Variants in RPL41 observed in about 807,000 individuals in gnomAD.
The protein encoded by RPL41 is small ribosomal subunit protein eS32.
RPL41 carries 3 observed loss-of-function variants against 7.3 expected under a neutral mutation model. That is an observed-to-expected ratio of 0.41 (90% CI 0.19 to 1.06). The LOEUF (loss-of-function observed/expected upper bound fraction) is 1.06, where lower values mean the gene tolerates loss of function less well. Among genes scored for constraint, RPL41 ranks in the 50% least tolerant of loss-of-function variants. RPL41 has a pLI of 0.32. For missense variants in RPL41, 13 were observed against 30.4 expected (o/e 0.43, Z 1.35); for synonymous variants, 9 against 7.4 (o/e 1.21, Z -0.34).
chr12:56,116,894 G>A, intron 1 of RPL41, 95 bp downstream of exon 1: 1 of 1,497,546 alleles, frequency 6.7e-7, no homozygotes. Flanking sequence ...GAACTACTGG[G>A]TTTCAAGGGT....
At position 56,117,225 on chromosome 12, in the gene RPL41, T is replaced by C. The variant is rs1869640957; in HGVS notation, c.35+14T>C. ...GCGAATGCGCAGGTACGTTGAGACTTTGCCAGCCCAGGAGGAGGGAAGTTC... is the reference window on the plus strand; with the variant it reads ...GCGAATGCGCAGGTACGTTGAGACTCTGCCAGCCCAGGAGGAGGGAAGTTC... On this transcript the variant is annotated intron_variant, in intron 2 of 2. Transcript: ENST00000546591. The C allele has an allele frequency of 6.2e-7, 1 of 1,601,114 alleles. No homozygotes were observed. The highest frequency in any genetic ancestry group is 8.5e-7 in the Non-Finnish European group (1 of 1,176,460).
At chr12:56,117,339 A>G in intron 2 of RPL41, 128 bp downstream of exon 2, 1 of 1,402,632 alleles carries the variant, frequency 7.1e-7, no homozygotes, top group Non-Finnish European at 9.8e-7. Flanking sequence ...CCCTGGAGCC[A>G]GGATTTAACA....
chr12:56,116,707 G>C lies in RPL41; in HGVS notation c.-81G>C. The stretch of plus-strand genomic sequence containing the variant: ...GTTGGGATTCCGTGTACAATCCATA[G>C]ACATCTGACCTCGGCACTTAGCATC... On this transcript the variant is annotated 5_prime_UTR_variant, in exon 1 of 3. Coordinates refer to ENST00000546591, the MANE Select transcript of RPL41 (RefSeq NM_001035267.2). The C allele has an allele frequency of 6.6e-7, 1 of 1,521,890 alleles. No individual in the cohort carries two copies. 94.3% of individuals were successfully genotyped at this position (1,521,890 alleles called of 1,614,324 possible). A position where few individuals can be genotyped will look rare whatever the true frequency, so the allele number is the denominator to read the frequency against.
intron 1 of RPL41, 81 bp downstream of exon 1, chr12:56,116,880 T>G: frequency 6.5e-7 from 1 of 1,542,794 alleles, no homozygotes; most frequent in East Asian, 2.2e-5. Flanking sequence ...CCGCCATACC[T>G]CCTGAACTAC....
At chr12:56,117,138 CTTTTTTT>C (rs535158816) in intron 1 of RPL41, 44 bp from the exon 2 acceptor site, 6 of 1,425,110 alleles carry the variant, frequency 4.2e-6, no homozygotes, top group Admixed American at 5.3e-5. Context: ...AGCTTCATCC[CTTTTTTT>C]TTTTTTTTTT....
At chr12:56,116,963 A>G in intron 1 of RPL41, 164 bp downstream of exon 1, 21 of 1,122,520 alleles carry the variant, frequency 1.9e-5, no homozygotes, top group Non-Finnish European at 2.7e-5. Flanking sequence ...GTTAAGTGCT[A>G]TGGGTAGAGA....
At position 56,116,767 on chromosome 12, in the gene RPL41, C is replaced by T; in HGVS notation, c.-21C>T. On this transcript the variant is annotated 5_prime_UTR_variant, in exon 1 of 3. Coordinates refer to ENST00000546591, the MANE Select transcript of RPL41 (RefSeq NM_001035267.2). ...AACTAACTGTAGCCTTTCTCTCTTT[C>T]CCTGTAGAAACCTCTGCGCCATGAG... 6.2e-7 allele frequency: 1 copy of T among 1,613,970 alleles called. No homozygotes were observed. Among genetic ancestry groups the T allele is most frequent in the Non-Finnish European group, 8.5e-7 (1 of 1,179,826 alleles).
chr12:56,116,700 ATC>A lies in RPL41; in HGVS notation c.-87_-86del. 1 of 1,498,052 alleles carries A rather than the reference ATC, an allele frequency of 6.7e-7. No homozygotes were observed. Among genetic ancestry groups the A allele is most frequent in the South Asian group, 1.1e-5 (1 of 88,816 alleles). The allele number at this position is 1,498,052 out of a possible 1,614,324, so 92.8% of individuals were successfully genotyped here. ...TTCCTGCGTTGGGATTCCGTGTACA[ATC>A]CATAGACATCTGACCTCGGCACTTA... is the stretch of plus-strand genomic sequence containing the variant. On this transcript the variant is annotated 5_prime_UTR_variant, in exon 1 of 3. Transcript: ENST00000546591.
At chr12:56,117,415 GATTTA>G in intron 2 of RPL41, 62 bp from the exon 3 acceptor site, 1 of 1,507,154 alleles carries the variant, frequency 6.6e-7, no homozygotes, top group Non-Finnish European at 9.0e-7. Context: ...GTGGACGTTT[GATTTA>G]ATGTGGGAGG....
At chr12:56,117,003 A>T in intron 1 of RPL41, 186 bp from the exon 2 acceptor site, 1 of 1,078,704 alleles carries the variant, frequency 9.3e-7, no homozygotes, top group Non-Finnish European at 1.3e-6. Context: ...TGGAATTCTG[A>T]TCTTATGTTG....
Position 56,116,697 on chromosome 12 carries a change from A to G in RPL41, c.-91A>G, listed in dbSNP as rs1013568428. The stretch of plus-strand genomic sequence containing the variant: ...TGGTTCCTGCGTTGGGATTCCGTGT[A>G]CAATCCATAGACATCTGACCTCGGC... On this transcript the variant is annotated 5_prime_UTR_variant, in exon 1 of 3. Coordinates refer to ENST00000546591, the MANE Select transcript of RPL41 (RefSeq NM_001035267.2). 3 of 1,471,930 alleles carry G rather than the reference A, an allele frequency of 2.0e-6. No homozygotes were observed. Among genetic ancestry groups the G allele is most frequent in the Admixed American group, 3.4e-5 (2 of 59,632 alleles). The allele number at this position is 1,471,930 out of a possible 1,614,324, so 91.2% of individuals were successfully genotyped here. A position where few individuals can be genotyped will look rare whatever the true frequency, so the allele number is the denominator to read the frequency against.
chr12:56,117,062 C>A, intron 1 of RPL41, 127 bp from the exon 2 acceptor site: 1 of 1,349,458 alleles, frequency 7.4e-7, no homozygotes, highest in Non-Finnish European at 1.0e-6. Flanking sequence ...ATCTTTCATA[C>A]TTCTTGGTTA....
chr12:56,116,898 C>T, intron 1 of RPL41, 99 bp downstream of exon 1: 2 of 1,459,444 alleles, frequency 1.4e-6, no homozygotes, highest in Non-Finnish European at 1.9e-6. Context: ...TACTGGGTTT[C>T]AAGGGTGCCC....
chr12:56,116,967 G>A, intron 1 of RPL41, 168 bp downstream of exon 1: 5 of 1,110,434 alleles, frequency 4.5e-6, no homozygotes, highest in Admixed American at 1.9e-5. Context: ...AGTGCTATGG[G>A]TAGAGAGGGT....
chr12:56,116,778 C>A lies in RPL41; in HGVS notation c.-10C>A. 3.1e-6 allele frequency: 5 copies of A among 1,614,036 alleles called. No individual in the cohort carries two copies. Among genetic ancestry groups the A allele is most frequent in the Non-Finnish European group, 4.2e-6 (5 of 1,179,888 alleles). ...GCCTTTCTCTCTTTCCCTGTAGAAA[C>A]CTCTGCGCCATGAGAGCCAAGGTGA... On this transcript the variant is annotated 5_prime_UTR_variant, in exon 1 of 3. Transcript: ENST00000546591.
chr12:56,117,068 G>C (rs186547465), intron 1 of RPL41, 121 bp from the exon 2 acceptor site: 3 of 1,364,998 alleles, frequency 2.2e-6, no homozygotes, highest in African/African-American at 3.0e-5. Context: ...CATACTTCTT[G>C]GTTAAGAATC....
chr12:56,116,674 G>C lies in RPL41; in HGVS notation c.-114G>C, dbSNP rs1186122429. 1 of 1,321,104 alleles carries C rather than the reference G, an allele frequency of 7.6e-7. No individual in the cohort carries two copies. The highest frequency in any genetic ancestry group is 2.3e-5 in the East Asian group (1 of 43,282). The allele number at this position is 1,321,104 out of a possible 1,614,324, so 81.8% of individuals were successfully genotyped here. On this transcript the variant is annotated 5_prime_UTR_variant, in exon 1 of 3. Coordinates refer to ENST00000546591, the MANE Select transcript of RPL41 (RefSeq NM_001035267.2). ...CATTTTTTTGGGTGAGTGTTTTTTG[G>C]TTCCTGCGTTGGGATTCCGTGTACA...
At position 56,116,678 on chromosome 12, in the gene RPL41, C is replaced by T; in HGVS notation, c.-110C>T. 2.2e-6 allele frequency: 3 copies of T among 1,358,144 alleles called. No homozygotes were observed. Among genetic ancestry groups the T allele is most frequent in the African/African-American group, 2.9e-5 (2 of 69,538 alleles). 84.1% of individuals were successfully genotyped at this position (1,358,144 alleles called of 1,614,324 possible). ...TTTTTGGGTGAGTGTTTTTTGGTTC[C>T]TGCGTTGGGATTCCGTGTACAATCC... is the stretch of plus-strand genomic sequence containing the variant. On this transcript the variant is annotated 5_prime_UTR_variant, in exon 1 of 3. Coordinates refer to ENST00000546591, the MANE Select transcript of RPL41 (RefSeq NM_001035267.2).
At chr12:56,117,148 T>TG in intron 1 of RPL41, 41 bp from the exon 2 acceptor site, 1 of 1,495,720 alleles carries the variant, frequency 6.7e-7, no homozygotes, top group East Asian at 2.4e-5. Flanking sequence ...CTTTTTTTTT[T>TG]TTTTTTTTTT....
Sources: gnomAD v4.1 joint callset for allele counts on GRCh38, gnomAD v4.1.1 for gene constraint, MANE v1.5 for transcripts, NCBI Gene and HGNC (gene_info 2026-07-23, HGNC 2026-07-21) for gene names.